Variants in ATP8B3 observed in about 807,000 individuals in gnomAD.
ATP8B3 encodes the protein ATPase phospholipid transporting 8B3, also known as phospholipid-transporting ATPase IK.
A neutral mutation model predicts 140.9 loss-of-function variants in ATP8B3; 141 were observed. The ratio of observed to expected loss-of-function variants is 1.00; its 90% CI spans 0.87 to 1.15. ATP8B3 has a LOEUF of 1.15. Among genes scored for constraint, ATP8B3 ranks in the 50% most tolerant of loss-of-function variants. ATP8B3 has a pLI of 0.00. For synonymous variants in ATP8B3, 765 were observed against 714.6 expected, an observed-to-expected ratio of 1.07 and a Z score of -1.13; for missense variants, 1,874 against 1,740.6, an observed-to-expected ratio of 1.08 and a Z score of -1.36.
At chr19:1,808,128 G>A (rs1227144826) in intron 5 of ATP8B3, 94 bp downstream of exon 5, 5 of 992,158 alleles carry the variant, frequency 5.0e-6, no homozygotes, top group South Asian at 1.4e-5. Context: ...CAGTCTGTGG[G>A]GAGTGGGACG....
In ATP8B3 at chr19:1,782,898, G is replaced by A. The variant is rs1600377210; in HGVS notation, c.*130C>T. The stretch of plus-strand genomic sequence containing the variant: ...TTGGGGAGGGCAGGTTGGTTTTCTG[G>A]ATGAAGAGCGGATTGTCTATCCATA... On this transcript the variant is annotated 3_prime_UTR_variant, in exon 29 of 29. Transcript: ENST00000310127. The A allele has an allele frequency of 1.5e-6, 2 of 1,290,674 alleles. No individual in the cohort carries two copies. Among genetic ancestry groups the A allele is most frequent in the Non-Finnish European group, 2.1e-6 (2 of 953,094 alleles). The allele number at this position is 1,290,674 out of a possible 1,614,324, so 80.0% of individuals were successfully genotyped here.
Position 1,791,862 on chromosome 19 carries a change from C to G in ATP8B3, c.2191-1G>C, listed in dbSNP as rs775588185. The G allele has an allele frequency of 6.2e-7, 1 of 1,610,612 alleles. No homozygotes were observed. Among genetic ancestry groups the G allele is most frequent in the Non-Finnish European group, 8.5e-7 (1 of 1,179,592 alleles). ...CCTCGATGGCTGTGGCTCCCAGCAG[C>G]TGGTGGGGGAGGAGGGCAGGGCGGG... On this transcript the variant is annotated splice_acceptor_variant, in intron 19 of 28. Coordinates refer to ENST00000310127, the MANE Select transcript of ATP8B3 (RefSeq NM_138813.4). LOFTEE classifies it high-confidence loss of function.
At chr19:1,811,395 A>C in intron 2 of ATP8B3, 94 bp downstream of exon 2, 1 of 1,482,862 alleles carries the variant, frequency 6.7e-7, no homozygotes, top group African/African-American at 1.4e-5. Flanking sequence ...CCTAGACGCC[A>C]GCAACTGGCC....
In ATP8B3 at chr19:1,811,722, G is replaced by A. The variant is rs766577817; in HGVS notation, c.15C>T (p.Pro5=). 1.8e-5 allele frequency: 28 copies of A among 1,597,046 alleles called. No individual in the cohort carries two copies. The highest frequency in any genetic ancestry group is 3.3e-4 in the Middle Eastern group (2 of 6,042). ...CTCTGGTGCTCCTGGGAGTCTGAGC[G>A]GGGCCAGTGCCCATTCACCGCATGA... The part of the protein sequence containing the change: MGTG[P]AQTPRSTRAG... The change falls in exon 2 of 29, where the codon CCC becomes CCT. Residue 5 remains proline, a synonymous_variant. Coordinates refer to ENST00000310127, the MANE Select transcript of ATP8B3 (RefSeq NM_138813.4).
At chr19:1,784,700 T>C in intron 28 of ATP8B3, 119 bp downstream of exon 28, 1 of 1,319,470 alleles carries the variant, frequency 7.6e-7, no homozygotes, top group Middle Eastern at 2.6e-4. Context: ...CCCCCAAGCC[T>C]AGTGTCTTGG....
intron 16 of ATP8B3, among the ~76,000 whole-genome samples, chr19:1,796,493 G>A (rs2068679735): frequency 6.6e-6 from 1 of 152,236 alleles, no homozygotes; most frequent in Non-Finnish European, 1.5e-5. Flanking sequence ...CTTTAGCCCT[G>A]ACGATGACAC....
At chr19:1,799,608 A>G (rs1352502743) in intron 14 of ATP8B3, 1 of 509,670 alleles carries the variant, frequency 2.0e-6, no homozygotes, top group East Asian at 3.3e-5. Context: ...TCTGCTAAAA[A>G]TACAAAAAAA....
chr19:1,810,563 C>A, intron 3 of ATP8B3, 59 bp downstream of exon 3: 1 of 1,539,466 alleles, frequency 6.5e-7, no homozygotes, highest in Admixed American at 1.9e-5. Context: ...CACGCCTGGC[C>A]AGCCCTGAAC....
At position 1,800,840 on chromosome 19, in the gene ATP8B3, T is replaced by C. The variant is rs1029150362; in HGVS notation, c.1153-391A>G. The stretch of plus-strand genomic sequence containing the variant: ...AACTTTTTTTTTTTTAATTTTTTTT[T>C]TTTTTTGAGACAGAGTCTCGCTCTC... On this transcript the variant is annotated intron_variant, in intron 12 of 28. Transcript: ENST00000310127. This position sits in a 1 kb window ranked among gnomAD's most constrained non-coding sequence, Gnocchi z 4.4. 1.9e-4 allele frequency among the ~76,000 whole-genome samples: 29 copies of C among 150,914 alleles called. No homozygotes were observed. The highest frequency in any genetic ancestry group is 6.8e-4 in the African/African-American group (28 of 41,258).
Position 1,800,495 on chromosome 19 carries a change from C to T in ATP8B3, c.1153-46G>A, listed in dbSNP as rs938715789. ...GGTGGGTGAGGGGGGCGGGGGTCCC[C>T]CACTCTGCCATCAGGATGGGGTAAA... On this transcript the variant is annotated intron_variant, in intron 12 of 28. Transcript: ENST00000310127. The surrounding 1 kb of genome is among the most constrained non-coding windows in gnomAD (Gnocchi z 4.4). The T allele has an allele frequency of 1.3e-6, 2 of 1,540,250 alleles. No individual in the cohort carries two copies. Among genetic ancestry groups the T allele is most frequent in the South Asian group, 2.3e-5 (2 of 88,616 alleles).
At chr19:1,785,768 C>CA (rs1403448015) in intron 25 of ATP8B3, 60 bp from the exon 26 acceptor site, 7 of 1,319,828 alleles carry the variant, frequency 5.3e-6, no homozygotes, top group Non-Finnish European at 7.3e-6. Flanking sequence ...CAACAGAGAT[C>CA]AGGATCTCCT....
chr19:1,807,042 C>G lies in ATP8B3; in HGVS notation c.615+126G>C. ...CAATGTAGCCCCAGCAGCTGAGGCT[C>G]CCAGGCCCACGTTCCCCTAATGCTC... On this transcript the variant is annotated intron_variant, in intron 6 of 28. Transcript: ENST00000310127. The surrounding 1 kb of genome is among the most constrained non-coding windows in gnomAD (Gnocchi z 5.9). The G allele has an allele frequency of 2.3e-6, 2 of 861,650 alleles. No individual in the cohort carries two copies. The highest frequency in any genetic ancestry group is 3.7e-6 in the Non-Finnish European group (2 of 536,786). 53.4% of individuals were successfully genotyped at this position (861,650 alleles called of 1,614,324 possible).
In ATP8B3 at chr19:1,783,243, C is replaced by A; in HGVS notation, c.3688G>T (p.Glu1230Ter). 6.2e-7 allele frequency: 1 copy of A among 1,609,940 alleles called. No individual in the cohort carries two copies. The highest frequency in any genetic ancestry group is 1.7e-5 in the Admixed American group (1 of 59,408). ...KEEKVEEGPS[E>*]EIFTMEPLPH... The stretch of plus-strand genomic sequence containing the variant: ...AAGGGCTCCATGGTGAAAATCTCCT[C>A]GCTGGGGCCCTCCTCCACCTTCTCC... Residue 1230 changes from glutamate to a stop codon, truncating the protein, a stop_gained, in exon 29 of 29, where the codon GAG becomes TAG. Transcript: ENST00000310127. LOFTEE classifies it low-confidence loss of function (END_TRUNC).
chr19:1,784,673 G>A, intron 28 of ATP8B3, 146 bp downstream of exon 28: 1 of 1,167,642 alleles, frequency 8.6e-7, no homozygotes, highest in Non-Finnish European at 1.2e-6. Flanking sequence ...TGTGTCCGGG[G>A]CTCCGCACCC....
chr19:1,809,496 A>G (rs1431716989), intron 4 of ATP8B3, 147 bp downstream of exon 4: 2 of 715,910 alleles, frequency 2.8e-6, no homozygotes, highest in Non-Finnish European at 4.5e-6. Flanking sequence ...AAAAAAAGAA[A>G]GAAAGAAAAA....
chr19:1,808,105 G>A, intron 5 of ATP8B3, 117 bp downstream of exon 5: 2 of 796,580 alleles, frequency 2.5e-6, no homozygotes, highest in South Asian at 1.6e-5. Flanking sequence ...TAGGGACTCA[G>A]CGCTGAGGGT....
chr19:1,785,614 A>G lies in ATP8B3; in HGVS notation c.3248T>C (p.Ile1083Thr). 1 of 1,613,280 alleles carries G rather than the reference A, an allele frequency of 6.2e-7. No homozygotes were observed. The highest frequency in any genetic ancestry group is 1.1e-5 in the South Asian group (1 of 91,084). ...LFNYWVFVQA[I>T]AHGVTTSLVN... ...CAGAGAGGTGGTCACACCATGGGCG[A>G]TGGCTTGGACGAAGACCCAGTAGTT... Residue 1083 changes from isoleucine (I) to threonine (T), a missense_variant, in exon 26 of 29, where the codon ATC becomes ACC. Physicochemically the swap from Ile to Thr is moderately conservative, Grantham distance 89 (BLOSUM62 -1). Coordinates refer to ENST00000310127, the MANE Select transcript of ATP8B3 (RefSeq NM_138813.4).
At position 1,795,960 on chromosome 19, in the gene ATP8B3, A is replaced by G; in HGVS notation, c.1970T>C (p.Leu657Pro). The G allele has an allele frequency of 6.2e-7, 1 of 1,613,226 alleles. No individual in the cohort carries two copies. Among genetic ancestry groups the G allele is most frequent in the Non-Finnish European group, 8.5e-7 (1 of 1,179,832 alleles). The change falls in exon 18 of 29, where the codon CTG becomes CCG. Residue 657 changes from leucine to proline, a missense_variant. Physicochemically the swap from Leu to Pro is moderately conservative, Grantham distance 98. Coordinates refer to ENST00000310127, the MANE Select transcript of ATP8B3 (RefSeq NM_138813.4). ...LVRKPEGAIC[L>P]YTKGADTVIF... ...GACCGTGTCGGCGCCCTTGGTGTACAGGCAGATGGCGCCCTCTGGCTTTCG... is the reference window on the plus strand; with the variant it reads ...GACCGTGTCGGCGCCCTTGGTGTACGGGCAGATGGCGCCCTCTGGCTTTCG...
Position 1,783,382 on chromosome 19 carries a change from G to A in ATP8B3, c.3661-112C>T. The A allele has an allele frequency of 1.5e-6, 2 of 1,360,076 alleles. 1 individual carries two copies. 84.3% of individuals were successfully genotyped at this position (1,360,076 alleles called of 1,614,324 possible). A position where few individuals can be genotyped will look rare whatever the true frequency, so the allele number is the denominator to read the frequency against. ...CAAAGCCCTTGGCCACTATTGATTG[G>A]CTACGTTCTTCCCTACCCAAGTTGA... On this transcript the variant is annotated intron_variant, in intron 28 of 28. Transcript: ENST00000310127.
Sources: gnomAD v4.1 joint callset for allele counts (sites outside exome capture counted in the v4.1 genomes callset) on GRCh38, gnomAD v4.1.1 for gene constraint, Gnocchi (gnomAD v3.1) non-coding constraint, MANE v1.5 for transcripts, NCBI Gene and HGNC (gene_info 2026-07-23, HGNC 2026-07-21) for gene names.